The following LRMDA variants were observed in gnomAD, a reference collection of about 807,000 sequenced individuals.
LRMDA encodes leucine rich melanocyte differentiation associated, also known as leucine-rich melanocyte differentiation-associated protein.
LRMDA carries 18 observed loss-of-function variants against 29.8 expected under a neutral mutation model. The ratio of observed to expected loss-of-function variants is 0.60; its 90% CI spans 0.42 to 0.90. The LOEUF (loss-of-function observed/expected upper bound fraction) is 0.90, where lower values mean the gene tolerates loss of function less well. Ranked by LOEUF, LRMDA falls within the 40% of genes least tolerant of loss-of-function variation. LRMDA has a pLI of 0.00. For missense variants in LRMDA, 273 were observed against 273.9 expected (o/e 1.00, Z 0.02); for synonymous variants, 125 against 109.4 (o/e 1.14, Z -0.89).
At chr10:75,898,833 C>A (rs1176061668) in intron 2 of LRMDA, among the ~76,000 whole-genome samples, 2 of 152,140 alleles carry the variant, frequency 1.3e-5, no homozygotes, top group Non-Finnish European at 2.9e-5. Flanking sequence ...ATGTTTTAAT[C>A]TTAAATAGGA....
At chr10:75,950,893 A>G (rs1846562778) in intron 2 of LRMDA, among the ~76,000 whole-genome samples, 2 of 152,162 alleles carry the variant, frequency 1.3e-5, no homozygotes, top group Admixed American at 1.3e-4. Flanking sequence ...TTCTATGTTG[A>G]TGTTTCATTG....
At chr10:75,532,761 T>G (rs1845493075) in intron 2 of LRMDA, among the ~76,000 whole-genome samples, 1 of 152,080 alleles carries the variant, frequency 6.6e-6, no homozygotes, top group African/African-American at 2.4e-5. Flanking sequence ...AAATGTCGAT[T>G]CCCTGACCCT....
chr10:75,616,966 T>C (rs1254474245), intron 2 of LRMDA, among the ~76,000 whole-genome samples: 2 of 152,188 alleles, frequency 1.3e-5, no homozygotes, highest in African/African-American at 4.8e-5. Flanking sequence ...AAGTAGACTA[T>C]CATAAAGACA....
At chr10:76,449,019 A>G (rs939049493) in intron 6 of LRMDA, among the ~76,000 whole-genome samples, 5 of 151,932 alleles carry the variant, frequency 3.3e-5, no homozygotes, top group Admixed American at 6.6e-5. Flanking sequence ...CTGACATTAT[A>G]ATTTTATTAA....
At chr10:76,418,238 A>G (rs1190023970) in intron 6 of LRMDA, among the ~76,000 whole-genome samples, 3 of 152,020 alleles carry the variant, frequency 2.0e-5, no homozygotes, top group South Asian at 2.1e-4. Context: ...TATGTTTGCA[A>G]TGTGACATCT....
At chr10:75,576,674 G>A (rs1034946132) in intron 2 of LRMDA, among the ~76,000 whole-genome samples, 1 of 152,170 alleles carries the variant, frequency 6.6e-6, no homozygotes, top group East Asian at 1.9e-4. Context: ...CCAGTGGGAT[G>A]AAGCTTCCAG....
At chr10:76,176,289 G>A (rs1297479351) in intron 5 of LRMDA, among the ~76,000 whole-genome samples, 1 of 152,116 alleles carries the variant, frequency 6.6e-6, no homozygotes, top group African/African-American at 2.4e-5. Flanking sequence ...TGCAATTATG[G>A]CAGAAAATAA....
At chr10:76,072,806 T>C (rs1285288678) in intron 5 of LRMDA, among the ~76,000 whole-genome samples, 3 of 152,258 alleles carry the variant, frequency 2.0e-5, no homozygotes, top group Non-Finnish European at 4.4e-5. Flanking sequence ...AGGTGACTTA[T>C]CTTTGTAAAC....
chr10:75,899,866 C>T (rs1317521599), intron 2 of LRMDA, among the ~76,000 whole-genome samples: 1 of 152,192 alleles, frequency 6.6e-6, no homozygotes, highest in Non-Finnish European at 1.5e-5. Flanking sequence ...GGGGAGCACT[C>T]TGCAAATCCA....
intron 2 of LRMDA, among the ~76,000 whole-genome samples, chr10:75,440,682 G>A (rs1035465596): frequency 6.6e-6 from 1 of 152,122 alleles, no homozygotes; most frequent in African/African-American, 2.4e-5. Context: ...CTCTATCTTT[G>A]CCTTCAGCTG....
At chr10:76,337,982 A>G (rs1160114559) in intron 6 of LRMDA, among the ~76,000 whole-genome samples, 3 of 151,956 alleles carry the variant, frequency 2.0e-5, no homozygotes, top group Non-Finnish European at 4.4e-5. Flanking sequence ...GCTTCCTGAT[A>G]GATTATTTTA....
At chr10:76,158,996 G>A (rs572832383) in intron 5 of LRMDA, among the ~76,000 whole-genome samples, 48 of 152,096 alleles carry the variant, frequency 3.2e-4, no homozygotes, top group Admixed American at 5.2e-4. Flanking sequence ...GGATCAAAAG[G>A]AATAAAACTT....
At chr10:76,061,657 G>A (rs1213610557) in intron 5 of LRMDA, among the ~76,000 whole-genome samples, 3 of 152,192 alleles carry the variant, frequency 2.0e-5, no homozygotes, top group South Asian at 2.1e-4. Context: ...CCTAGTCTGT[G>A]CTCCCGTTTC....
chr10:76,033,140 C>T (rs972804636), intron 2 of LRMDA, among the ~76,000 whole-genome samples: 2 of 152,074 alleles, frequency 1.3e-5, no homozygotes, highest in Non-Finnish European at 2.9e-5. Flanking sequence ...TCAGCTGGGA[C>T]CCCCAAAACC....
At chr10:75,500,967 G>T (rs1190014979) in intron 2 of LRMDA, among the ~76,000 whole-genome samples, 3 of 152,172 alleles carry the variant, frequency 2.0e-5, no homozygotes, top group Non-Finnish European at 4.4e-5. Context: ...GCAACCTGTT[G>T]TCAGTCTCCT....
At chr10:75,773,581 G>A (rs779307289) in intron 2 of LRMDA, among the ~76,000 whole-genome samples, 2 of 152,182 alleles carry the variant, frequency 1.3e-5, no homozygotes, top group Admixed American at 1.3e-4. Context: ...TGTTTTCCAC[G>A]TCCTTGAGTT....
chr10:75,640,350 A>T (rs1841437743), intron 2 of LRMDA, among the ~76,000 whole-genome samples: 1 of 152,160 alleles, frequency 6.6e-6, no homozygotes, highest in South Asian at 2.1e-4. Context: ...TGGACAATGA[A>T]CAGTGGATGC....
At chr10:75,935,558 C>T (rs1846275627) in intron 2 of LRMDA, among the ~76,000 whole-genome samples, 1 of 152,156 alleles carries the variant, frequency 6.6e-6, no homozygotes, top group Admixed American at 6.5e-5. Context: ...AGAAGAGATG[C>T]AGTCAGAGGA....
At chr10:75,491,495 C>T (rs1281793434) in intron 2 of LRMDA, among the ~76,000 whole-genome samples, 1 of 152,136 alleles carries the variant, frequency 6.6e-6, no homozygotes, top group Non-Finnish European at 1.5e-5. Flanking sequence ...GTATTACTTT[C>T]TCTGGGCTGG....
Sources: gnomAD v4.1 joint callset for allele counts (sites outside exome capture counted in the v4.1 genomes callset) on GRCh38, gnomAD v4.1.1 for gene constraint, MANE v1.5 for transcripts, NCBI Gene and HGNC (gene_info 2026-07-23, HGNC 2026-07-21) for gene names.